Variants in MAP2K1 observed in about 807,000 individuals in gnomAD.
MAP2K1 encodes dual specificity mitogen-activated protein kinase kinase 1.
In MAP2K1, 16 loss-of-function variants were observed where a neutral mutation model predicts 46.3. The ratio of observed to expected loss-of-function variants is 0.35; its 90% CI spans 0.23 to 0.52. MAP2K1 has a LOEUF of 0.52. Among genes scored for constraint, MAP2K1 ranks in the 20% least tolerant of loss-of-function variants. The pLI, the probability that MAP2K1 is intolerant of heterozygous loss-of-function variation, is 0.94. For missense variants in MAP2K1, 263 were observed against 497.1 expected, an observed-to-expected ratio of 0.53 and a Z score of 4.48; for synonymous variants, 183 against 185.6, an observed-to-expected ratio of 0.99 and a Z score of 0.11.
chr15:66,449,036 A>C (rs920289819), intron 5 of MAP2K1, among the ~76,000 whole-genome samples: 13 of 150,832 alleles, frequency 8.6e-5, no homozygotes, highest in Admixed American at 1.3e-4. Flanking sequence ...AAACAACAAC[A>C]ACCAAAAACA....
chr15:66,460,487 A>T (rs1288748673), intron 5 of MAP2K1, among the ~76,000 whole-genome samples: 1 of 152,330 alleles, frequency 6.6e-6, no homozygotes, highest in East Asian at 1.9e-4. Flanking sequence ...ACATGTTTTT[A>T]CAGGAAATAG....
rs181917355 is a variant in MAP2K1, at chr15:66,411,688, C to T, written c.81-23339C>T. Among the ~76,000 whole-genome samples, 31 of 152,240 alleles carry T rather than the reference C, an allele frequency of 2.0e-4. No homozygotes were observed. The East Asian group carries it at 2.1e-3, about 10-fold the overall frequency. ...TTGATCATTGGTGTATTCTTCAGTG[C>T]GCTTTCAAGATTCACAGTGAATGTG... On this transcript the variant is annotated intron_variant, in intron 1 of 10. Coordinates refer to ENST00000307102, the MANE Select transcript of MAP2K1 (RefSeq NM_002755.4).
chr15:66,453,646 T>G, intron 5 of MAP2K1: 1 of 662,398 alleles, frequency 1.5e-6, no homozygotes, highest in Non-Finnish European at 2.7e-6. Flanking sequence ...CTACCTCTGT[T>G]CTAAATATAT....
intron 1 of MAP2K1, among the ~76,000 whole-genome samples, chr15:66,391,726 C>G: frequency 6.6e-6 from 1 of 152,042 alleles, no homozygotes; most frequent in East Asian, 1.9e-4. Flanking sequence ...TTTTCCTTTT[C>G]TTTTCCCCTT....
At chr15:66,456,849 G>A (rs183435915) in intron 5 of MAP2K1, among the ~76,000 whole-genome samples, 4 of 152,298 alleles carry the variant, frequency 2.6e-5, no homozygotes, top group Admixed American at 2.6e-4. Flanking sequence ...AAATGAAAAG[G>A]AGGGGCTTTG....
At chr15:66,489,389 T>C (rs1893162664) in intron 9 of MAP2K1, 113 bp downstream of exon 9, 2 of 1,011,698 alleles carry the variant, frequency 2.0e-6, no homozygotes, top group Admixed American at 3.5e-5. Context: ...CCCTTTACCC[T>C]CCCGTCTGAT....
At position 66,443,300 on chromosome 15, in the gene MAP2K1, A is replaced by G; in HGVS notation, c.459A>G (p.Gln153=). 6.2e-7 allele frequency: 1 copy of G among 1,611,680 alleles called. No homozygotes were observed. The highest frequency in any genetic ancestry group is 1.1e-5 in the South Asian group (1 of 91,036). ...CTTAGGATGGAGGTTCTCTGGATCA[A>G]GTCCTGAAGAAAGCTGGAAGAATTC... is the stretch of plus-strand genomic sequence containing the variant. The part of the protein sequence containing the change: ...MEHMDGGSLD[Q]VLKKAGRIPE... Residue 153 remains glutamine (Q), a synonymous_variant, in exon 4 of 11, where the codon CAA becomes CAG. Transcript: ENST00000307102.
Position 66,489,238 on chromosome 15 carries a change from A to C in MAP2K1, c.984A>C (p.Gly328=), listed in dbSNP as rs773755873. The C allele has an allele frequency of 6.2e-7, 1 of 1,613,898 alleles. No homozygotes were observed. Among genetic ancestry groups the C allele is most frequent in the African/African-American group, 1.3e-5 (1 of 74,882 alleles). Residue 328 remains glycine (G), a synonymous_variant, in exon 9 of 11, where the codon GGA becomes GGC. Transcript: ENST00000307102. ...VNEPPPKLPS[G]VFSLEFQDFV... ...AGCCTCCTCCAAAACTGCCCAGTGG[A>C]GTGTTCAGTCTGGAATTTCAAGATT...
At chr15:66,388,637 C>G (rs2093348872) in intron 1 of MAP2K1, among the ~76,000 whole-genome samples, 1 of 152,132 alleles carries the variant, frequency 6.6e-6, no homozygotes, top group South Asian at 2.1e-4. Flanking sequence ...TCCCAAAGTG[C>G]TGGGATTACA....
At chr15:66,418,137 C>T (rs1316058830) in intron 1 of MAP2K1, among the ~76,000 whole-genome samples, 2 of 152,108 alleles carry the variant, frequency 1.3e-5, no homozygotes, top group African/African-American at 2.4e-5. Context: ...ATTTAAATAC[C>T]CCCTAGAGGA....
chr15:66,464,158 G>T (rs1048775884), intron 5 of MAP2K1, among the ~76,000 whole-genome samples: 1 of 152,182 alleles, frequency 6.6e-6, no homozygotes, highest in South Asian at 2.1e-4. Context: ...TGAATCTTTC[G>T]TCTCAGGTTT....
chr15:66,422,047 C>G (rs566430587), intron 1 of MAP2K1, among the ~76,000 whole-genome samples: 3 of 152,244 alleles, frequency 2.0e-5, no homozygotes, highest in African/African-American at 2.4e-5. Context: ...GCCCCAGAAT[C>G]ACTTTTGAAG....
At chr15:66,461,499 A>G (rs1892318528) in intron 5 of MAP2K1, among the ~76,000 whole-genome samples, 1 of 150,498 alleles carries the variant, frequency 6.6e-6, no homozygotes. Flanking sequence ...TAAATAAATA[A>G]ATAAATAAAT....
intron 5 of MAP2K1, among the ~76,000 whole-genome samples, chr15:66,478,406 A>ATATATACACACAGG (rs1892819644): frequency 2.1e-5 from 2 of 94,026 alleles, no homozygotes; most frequent in African/African-American, 7.7e-5. Context: ...GTGTGTATAT[A>ATATATACACACAGG]TATATATACA....
intron 6 of MAP2K1, among the ~76,000 whole-genome samples, chr15:66,484,136 A>AC (rs1236748827): frequency 3.0e-4 from 43 of 143,534 alleles, no homozygotes; most frequent in African/African-American, 1.2e-3. Context: ...ATCATCAGCC[A>AC]CCACCCCCCC....
intron 1 of MAP2K1, among the ~76,000 whole-genome samples, chr15:66,431,349 C>G (rs756953508): frequency 3.3e-5 from 5 of 152,112 alleles, no homozygotes; most frequent in Non-Finnish European, 5.9e-5. Context: ...GGAAGAAATA[C>G]TGAATACTGT....
rs141184994 is a variant in MAP2K1 at position 66,446,637 on chromosome 15, A to G, written c.568+1930A>G. ...CTGTGTTGTTCTTTGCTTTGTATAC[A>G]TAAGCACATCTCTTGCCCAAATAGA... is the stretch of plus-strand genomic sequence containing the variant. On this transcript the variant is annotated intron_variant, in intron 5 of 10. Transcript: ENST00000307102. 89 of 380,890 alleles carry G rather than the reference A, an allele frequency of 2.3e-4. 1 individual carries two copies. The East Asian group carries it at 6.1e-3, about 26-fold the overall frequency. 23.6% of individuals were successfully genotyped at this position (380,890 alleles called of 1,614,324 possible). A position where few individuals can be genotyped will look rare whatever the true frequency, so the allele number is the denominator to read the frequency against.
At chr15:66,442,012 T>G (rs777599015) in intron 3 of MAP2K1, among the ~76,000 whole-genome samples, 6 of 152,178 alleles carry the variant, frequency 3.9e-5, no homozygotes, top group Non-Finnish European at 5.9e-5. Context: ...CAGGTTAAAA[T>G]GTAGAACCCC....
At position 66,490,923 on chromosome 15, in the gene MAP2K1, C is replaced by G. The variant is rs14303; in HGVS notation, c.*308C>G. 2.7e-5 allele frequency: 13 copies of G among 475,444 alleles called. No homozygotes were observed. The highest frequency in any genetic ancestry group is 1.7e-4 in the South Asian group (8 of 47,866). The allele number at this position is 475,444 out of a possible 1,614,324, so 29.5% of individuals were successfully genotyped here. ...TGGTGAATGTGGGTAGTCATTCTTA[C>G]AATTGCACTGCTGTTCCTGCTCCAT... On this transcript the variant is annotated 3_prime_UTR_variant, in exon 11 of 11. Transcript: ENST00000307102.
Sources: gnomAD v4.1 joint callset for allele counts (sites outside exome capture counted in the v4.1 genomes callset) on GRCh38, gnomAD v4.1.1 for gene constraint, MANE v1.5 for transcripts, NCBI Gene and HGNC (gene_info 2026-07-23, HGNC 2026-07-21) for gene names.